FBXO28: variants seen among roughly 807,000 people sequenced by gnomAD.
FBXO28 encodes the protein F-box only protein 28.
In FBXO28, 8 loss-of-function variants were observed where a neutral mutation model predicts 38.1. The ratio of observed to expected loss-of-function variants is 0.21; its 90% CI spans 0.12 to 0.38. The LOEUF is 0.38. FBXO28 is among the 10% of genes least tolerant of loss of function. The pLI, the probability that FBXO28 is intolerant of heterozygous loss-of-function variation, is 1.00. For synonymous variants in FBXO28, 168 were observed against 173.8 expected (o/e 0.97, Z 0.26); for missense variants, 345 against 460.6 (o/e 0.75, Z 2.30).
chr1:224,123,720 T>C (rs567574980), intron 1 of FBXO28, among the ~76,000 whole-genome samples: 1 of 152,286 alleles, frequency 6.6e-6, no homozygotes, highest in South Asian at 2.1e-4. Flanking sequence ...TAAGACATTA[T>C]ATATCGTAGG....
intron 1 of FBXO28, 59 bp from the exon 2 acceptor site, chr1:224,130,413 A>G (rs906842439): frequency 9.3e-7 from 1 of 1,074,036 alleles, no homozygotes; most frequent in Middle Eastern, 2.0e-4. Flanking sequence ...ATCAGTTATG[A>G]GTCTCAGTTG....
chr1:224,114,144 G>A lies in FBXO28; in HGVS notation c.15G>A (p.Ala5=), dbSNP rs1388092420. 2 of 1,542,406 alleles carry A rather than the reference G, an allele frequency of 1.3e-6. No individual in the cohort carries two copies. Among genetic ancestry groups the A allele is most frequent in the African/African-American group, 2.7e-5 (2 of 72,732 alleles). MAAA[A]EERMAEEGGG... ...AAGCCCCCAAGATGGCGGCAGCGGC[G>A]GAGGAGCGGATGGCAGAGGAAGGAG... Residue 5 remains alanine, a synonymous_variant, in exon 1 of 5, where the codon GCG becomes GCA. Coordinates refer to ENST00000366862, the MANE Select transcript of FBXO28 (RefSeq NM_015176.4).
chr1:224,130,824 G>A, intron 2 of FBXO28: 1 of 388,184 alleles, frequency 2.6e-6, no homozygotes, highest in East Asian at 4.8e-5. Flanking sequence ...AATGGGAAAA[G>A]AAGAAATAGA....
At chr1:224,157,211 C>A in intron 4 of FBXO28, 141 bp from the exon 5 acceptor site, 1 of 1,005,482 alleles carries the variant, frequency 9.9e-7, no homozygotes, top group Non-Finnish European at 1.4e-6. Context: ...TGATGATTAA[C>A]CCAACTGACC....
intron 3 of FBXO28, among the ~76,000 whole-genome samples, chr1:224,135,628 A>G (rs1354826069): frequency 2.8e-5 from 4 of 142,880 alleles, no homozygotes; most frequent in East Asian, 2.2e-4. Context: ...AAAAAAAAAA[A>G]AAAAAAAGAA....
chr1:224,133,839 A>G (rs894690425), intron 2 of FBXO28, among the ~76,000 whole-genome samples: 3 of 151,542 alleles, frequency 2.0e-5, no homozygotes, highest in Non-Finnish European at 4.4e-5. Flanking sequence ...ATATATATAT[A>G]TATATATAAT....
rs374136269 is a variant in FBXO28 at position 224,125,077 on chromosome 1, T to C, written c.268-5395T>C. On this transcript the variant is annotated intron_variant, in intron 1 of 4. Coordinates refer to ENST00000366862, the MANE Select transcript of FBXO28 (RefSeq NM_015176.4). ...AACTACCACATTAAATACTGTTCTT[T>C]CCTTACAATATTGCCTAATGTTTAA... Among the ~76,000 whole-genome samples, 19 of 152,280 alleles carry C rather than the reference T, an allele frequency of 1.2e-4. No homozygotes were observed. The South Asian group carries it at 2.5e-3, about 20-fold the overall frequency.
chr1:224,130,817 G>T, intron 2 of FBXO28: 1 of 395,808 alleles, frequency 2.5e-6, no homozygotes, highest in Non-Finnish European at 4.6e-6. Flanking sequence ...GCATCCAAAT[G>T]GGAAAAGAAG....
rs193079949 is a variant in FBXO28 at position 224,146,049 on chromosome 1, A to G, written c.517-7093A>G. 4.0e-5 allele frequency among the ~76,000 whole-genome samples: 6 copies of G among 149,302 alleles called. No individual in the cohort carries two copies. In the East Asian group the frequency reaches 1.2e-3, roughly 29 times the overall value. On this transcript the variant is annotated intron_variant, in intron 3 of 4. Coordinates refer to ENST00000366862, the MANE Select transcript of FBXO28 (RefSeq NM_015176.4). Reference sequence around the variant, plus strand: ...GCATTGCCCTCCAGCCTGGGCAACAATAGCGAAACTCCTTCTCAAAAAAAA... The same window carrying G: ...GCATTGCCCTCCAGCCTGGGCAACAGTAGCGAAACTCCTTCTCAAAAAAAA...
At chr1:224,123,397 C>G (rs910704820) in intron 1 of FBXO28, among the ~76,000 whole-genome samples, 2 of 129,362 alleles carry the variant, frequency 1.5e-5, no homozygotes, top group African/African-American at 5.9e-5. Flanking sequence ...AAGCCGTGAT[C>G]GTGCCACTCC....
At chr1:224,135,298 G>A (rs1368292180) in intron 3 of FBXO28, among the ~76,000 whole-genome samples, 4 of 151,990 alleles carry the variant, frequency 2.6e-5, no homozygotes, top group African/African-American at 7.3e-5. Flanking sequence ...GTTTCATATA[G>A]CATCATAGTT....
chr1:224,146,723 T>TTTTG (rs1330988636), intron 3 of FBXO28, among the ~76,000 whole-genome samples: 1 of 144,724 alleles, frequency 6.9e-6, no homozygotes, highest in African/African-American at 2.6e-5. Flanking sequence ...TTTTTTTTTT[T>TTTTG]GGGAGACTGA....
rs775916324 is a variant in FBXO28 at position 224,114,113 on chromosome 1, G to A, written c.-17G>A. ...CCTGTTCCCCTTGCTGTGGGGGTAA[G>A]GAATCAAGCCCCCAAGATGGCGGCA... On this transcript the variant is annotated 5_prime_UTR_variant, in exon 1 of 5. Coordinates refer to ENST00000366862, the MANE Select transcript of FBXO28 (RefSeq NM_015176.4). 1.3e-6 allele frequency: 2 copies of A among 1,526,858 alleles called. No individual in the cohort carries two copies. Among genetic ancestry groups the A allele is most frequent in the South Asian group, 1.2e-5 (1 of 80,408 alleles). The allele number at this position is 1,526,858 out of a possible 1,614,324, so 94.6% of individuals were successfully genotyped here. A position where few individuals can be genotyped will look rare whatever the true frequency, so the allele number is the denominator to read the frequency against.
At chr1:224,146,600 T>C (rs1657511974) in intron 3 of FBXO28, among the ~76,000 whole-genome samples, 1 of 152,144 alleles carries the variant, frequency 6.6e-6, no homozygotes, top group South Asian at 2.1e-4. Context: ...TGTTTCTAGC[T>C]ATGTTGCTCT....
chr1:224,121,346 T>A (rs903968611), intron 1 of FBXO28, among the ~76,000 whole-genome samples: 1 of 152,254 alleles, frequency 6.6e-6, no homozygotes. Context: ...AATGAATTTA[T>A]ATTTTCTTTC....
In FBXO28 at chr1:224,158,300, A is replaced by C; in HGVS notation, c.*554A>C. 3 of 781,598 alleles carry C rather than the reference A, an allele frequency of 3.8e-6. No homozygotes were observed. Among genetic ancestry groups the C allele is most frequent in the Non-Finnish European group, 4.7e-6 (3 of 643,944 alleles). 48.4% of individuals were successfully genotyped at this position (781,598 alleles called of 1,614,324 possible). On this transcript the variant is annotated 3_prime_UTR_variant, in exon 5 of 5. Transcript: ENST00000366862. ...CTTCCATAGTATTGACTGTAGAAGG[A>C]GCCTCTACAATATTGACTATATATT...
chr1:224,159,336 A>C lies in FBXO28; in HGVS notation c.*1590A>C, dbSNP rs971575355. The C allele has an allele frequency of 2.6e-5, 4 of 152,374 alleles. No homozygotes were observed. Among genetic ancestry groups the C allele is most frequent in the Admixed American group, 2.0e-4 (3 of 15,260 alleles). The allele number at this position is 152,374 out of a possible 1,614,324, so 9.4% of individuals were successfully genotyped here. On this transcript the variant is annotated 3_prime_UTR_variant, in exon 5 of 5. Coordinates refer to ENST00000366862, the MANE Select transcript of FBXO28 (RefSeq NM_015176.4). ...ACCGTGACATGGTTATGCATCCTTT[A>C]GATTAACCTCACCAAATGAAGCTTT...
chr1:224,119,921 A>G (rs1304814971), intron 1 of FBXO28, among the ~76,000 whole-genome samples: 1 of 152,188 alleles, frequency 6.6e-6, no homozygotes, highest in African/African-American at 2.4e-5. Flanking sequence ...TTTTTATTTC[A>G]CAGACCAGTC....
At chr1:224,144,012 A>C (rs1035317694) in intron 3 of FBXO28, among the ~76,000 whole-genome samples, 1 of 150,928 alleles carries the variant, frequency 6.6e-6, no homozygotes, top group Non-Finnish European at 1.5e-5. Flanking sequence ...TTAGCCAGGC[A>C]TGGTGGCATG....
Sources: gnomAD v4.1 joint callset for allele counts (sites outside exome capture counted in the v4.1 genomes callset) on GRCh38, gnomAD v4.1.1 for gene constraint, MANE v1.5 for transcripts, NCBI Gene and HGNC (gene_info 2026-07-23, HGNC 2026-07-21) for gene names.